The following MTNR1B variants were observed in gnomAD, a reference collection of about 807,000 sequenced individuals.
The protein encoded by MTNR1B is melatonin receptor 1B.
In MTNR1B, 7 loss-of-function variants were observed where a neutral mutation model predicts 7.0. The observed-to-expected ratio is 1.00, with a 90% CI of 0.57 to 1.88. MTNR1B has a LOEUF of 1.88. Ranked by LOEUF, MTNR1B falls within the 40% of genes most tolerant of loss-of-function variation. The pLI is 0.00. For missense variants in MTNR1B, 478 were observed against 486.5 expected (o/e 0.98, Z 0.16); for synonymous variants, 226 against 208.2 (o/e 1.09, Z -0.74).
intron 1 of MTNR1B, among the ~76,000 whole-genome samples, chr11:92,970,920 A>G (rs1196755628): frequency 6.6e-6 from 1 of 152,216 alleles, no homozygotes; most frequent in African/African-American, 2.4e-5. Flanking sequence ...GACCATTTTT[A>G]GCAAATAGTA....
rs940433713 is a variant in MTNR1B at position 92,981,740 on chromosome 11, C to T, written c.517C>T (p.Leu173=). The change falls in exon 2 of 2, where the codon CTG becomes TTG. Residue 173 remains leucine, a synonymous_variant. Transcript: ENST00000257068. ...CTGGCTCCTCACCGTGGTGGCCTTG[C>T]TGCCCAACTTCTTTGTGGGGTCCCT... is the stretch of plus-strand genomic sequence containing the variant. The part of the protein sequence containing the change: ...LIWLLTVVAL[L]PNFFVGSLEY... 6 of 1,614,216 alleles carry T rather than the reference C, an allele frequency of 3.7e-6. No individual in the cohort carries two copies. The highest frequency in any genetic ancestry group is 5.1e-6 in the Non-Finnish European group (6 of 1,180,034).
rs772634655 is a variant in MTNR1B at position 92,969,683 on chromosome 11, C to CG, written c.-39dup. 75 of 1,396,244 alleles carry CG rather than the reference C, an allele frequency of 5.4e-5. No individual in the cohort carries two copies. The Middle Eastern group carries it at 1.9e-3, about 36-fold the overall frequency. The allele number at this position is 1,396,244 out of a possible 1,614,324, so 86.5% of individuals were successfully genotyped here. On this transcript the variant is annotated 5_prime_UTR_variant, in exon 1 of 2. Coordinates refer to ENST00000257068, the MANE Select transcript of MTNR1B (RefSeq NM_005959.5). Reference sequence around the variant, plus strand: ...GTACTGCGCGCGCCCTGCGGCTGTCCGGGGCCGCGCGGTGGCCAAAGCACA... The same window carrying CG: ...GTACTGCGCGCGCCCTGCGGCTGTCCGGGGGCCGCGCGGTGGCCAAAGCACA...
Position 92,982,501 on chromosome 11 carries a change from T to C in MTNR1B, c.*189T>C, listed in dbSNP as rs1181862361. The C allele has an allele frequency of 3.0e-6, 2 of 666,096 alleles. No homozygotes were observed. The highest frequency in any genetic ancestry group is 1.8e-5 in the African/African-American group (1 of 54,982). 41.3% of individuals were successfully genotyped at this position (666,096 alleles called of 1,614,324 possible). On this transcript the variant is annotated 3_prime_UTR_variant, in exon 2 of 2. Transcript: ENST00000257068. Reference sequence around the variant, plus strand: ...CATGGGTTCAGGCTGATCCAGGAGATGCTCACAGGCCACAGGACCTGGAAA... The same window carrying C: ...CATGGGTTCAGGCTGATCCAGGAGACGCTCACAGGCCACAGGACCTGGAAA...
intron 1 of MTNR1B, among the ~76,000 whole-genome samples, chr11:92,977,197 T>C (rs1268112882): frequency 1.3e-5 from 2 of 152,224 alleles, no homozygotes; most frequent in Non-Finnish European, 2.9e-5. Context: ...CAGTTTTTGT[T>C]TTCTAATTAA....
In MTNR1B at chr11:92,981,965, C is replaced by A. The variant is rs369557205; in HGVS notation, c.742C>A (p.Arg248=). The A allele has an allele frequency of 9.9e-5, 160 of 1,614,128 alleles. No homozygotes were observed. Among genetic ancestry groups the A allele is most frequent in the Non-Finnish European group, 1.2e-4 (147 of 1,180,058 alleles). Residue 248 remains arginine, a synonymous_variant, in exon 2 of 2, where the codon CGG becomes AGG. Coordinates refer to ENST00000257068, the MANE Select transcript of MTNR1B (RefSeq NM_005959.5). The part of the protein sequence containing the change: ...SRLCLKPSDL[R]SFLTMFVVFV... Reference sequence around the variant, plus strand: ...GCTGTGCCTGAAGCCCAGCGACTTGCGGAGCTTTCTAACCATGTTTGTGGT... The same window carrying A: ...GCTGTGCCTGAAGCCCAGCGACTTGAGGAGCTTTCTAACCATGTTTGTGGT...
chr11:92,972,259 T>A (rs1333512376), intron 1 of MTNR1B, among the ~76,000 whole-genome samples: 1 of 152,220 alleles, frequency 6.6e-6, no homozygotes. Context: ...ATTAAGTCTG[T>A]AACAATGAGA....
At chr11:92,981,362 A>C (rs1858098683) in intron 1 of MTNR1B, 85 bp from the exon 2 acceptor site, 1 of 1,519,676 alleles carries the variant, frequency 6.6e-7, no homozygotes, top group Admixed American at 2.1e-5. Flanking sequence ...CACATTGCCA[A>C]AAGTAACTTC....
chr11:92,970,761 T>C (rs1163942008), intron 1 of MTNR1B, among the ~76,000 whole-genome samples: 2 of 152,158 alleles, frequency 1.3e-5, no homozygotes, highest in East Asian at 3.8e-4. Context: ...CACTTCAGCT[T>C]AGGAAGGAGC....
downstream of MTNR1B, among the ~76,000 whole-genome samples, chr11:92,983,854 T>G (rs1858158069): frequency 6.6e-6 from 1 of 152,212 alleles, no homozygotes; most frequent in Non-Finnish European, 1.5e-5. Context: ...GGGCTTGATA[T>G]GCATTATGTC....
chr11:92,978,024 T>G (rs1858038243), intron 1 of MTNR1B, among the ~76,000 whole-genome samples: 1 of 152,234 alleles, frequency 6.6e-6, no homozygotes, highest in Non-Finnish European at 1.5e-5. Context: ...TAGTATATAC[T>G]CAGCAATATT....
intron 1 of MTNR1B, chr11:92,972,576 C>T (rs759740744): frequency 2.4e-5 from 11 of 455,436 alleles, no homozygotes; most frequent in African/African-American, 1.2e-4. Flanking sequence ...GTCAGGGCAC[C>T]GACCCAACTT....
chr11:92,983,920 G>C (rs970320112), downstream of MTNR1B, among the ~76,000 whole-genome samples: 6 of 152,188 alleles, frequency 3.9e-5, no homozygotes, highest in Non-Finnish European at 7.4e-5. Flanking sequence ...TTCATAGTAA[G>C]AAACTGAAAC....
At chr11:92,983,357 A>G (rs2136521005), downstream of MTNR1B, among the ~76,000 whole-genome samples, 1 of 152,258 alleles carries the variant, frequency 6.6e-6, no homozygotes, top group African/African-American at 2.4e-5. Flanking sequence ...CCCTGTCTCT[A>G]CAAAAATTAG....
chr11:92,983,511 C>G (rs1415787722), downstream of MTNR1B, among the ~76,000 whole-genome samples: 6 of 146,698 alleles, frequency 4.1e-5, no homozygotes, highest in East Asian at 9.9e-4. Context: ...AGAGCAAGAC[C>G]CTGTCTCAGA....
chr11:92,973,986 A>C (rs1362724176), intron 1 of MTNR1B, among the ~76,000 whole-genome samples: 1 of 152,268 alleles, frequency 6.6e-6, no homozygotes, highest in Non-Finnish European at 1.5e-5. Flanking sequence ...CTTTGAGAAC[A>C]GCCCAAAGTA....
At chr11:92,973,553 A>G (rs1178459640) in intron 1 of MTNR1B, among the ~76,000 whole-genome samples, 1 of 152,136 alleles carries the variant, frequency 6.6e-6, no homozygotes, top group Admixed American at 6.5e-5. Context: ...TCCCTGATGT[A>G]CTTTCTCTAC....
At chr11:92,982,844 TCACAC>T (rs1565181630), downstream of MTNR1B, 1 of 173,326 alleles carries the variant, frequency 5.8e-6, no homozygotes, top group African/African-American at 2.4e-5. Flanking sequence ...CACACATGCA[TCACAC>T]CACAGACACA....
intron 1 of MTNR1B, 48 bp from the exon 2 acceptor site, chr11:92,981,399 C>G: frequency 1.3e-6 from 2 of 1,569,130 alleles, no homozygotes; most frequent in Non-Finnish European, 1.7e-6. Context: ...TCTACAGAAT[C>G]TAAGTCGTGG....
At chr11:92,977,480 C>G (rs752806381) in intron 1 of MTNR1B, among the ~76,000 whole-genome samples, 4 of 152,184 alleles carry the variant, frequency 2.6e-5, no homozygotes, top group Non-Finnish European at 5.9e-5. Flanking sequence ...ATGACCTTTC[C>G]CATACAACAT....
Sources: gnomAD v4.1 joint callset for allele counts (sites outside exome capture counted in the v4.1 genomes callset) on GRCh38, gnomAD v4.1.1 for gene constraint, MANE v1.5 for transcripts, NCBI Gene and HGNC (gene_info 2026-07-23, HGNC 2026-07-21) for gene names.